RCL1: variants seen among roughly 807,000 people sequenced by gnomAD.
The protein encoded by RCL1 is RNA 3'-terminal phosphate cyclase-like protein.
In RCL1, 24 loss-of-function variants were observed where a neutral mutation model predicts 42.4. The ratio of observed to expected loss-of-function variants is 0.57; its 90% CI spans 0.41 to 0.80. The LOEUF (loss-of-function observed/expected upper bound fraction) is 0.80, where lower values mean the gene tolerates loss of function less well. RCL1 is among the 30% of genes least tolerant of loss of function. The pLI, the probability that RCL1 is intolerant of heterozygous loss-of-function variation, is 0.00. For synonymous variants in RCL1, 228 were observed against 177.3 expected (o/e 1.29, Z -2.27); for missense variants, 578 against 467.9 (o/e 1.24, Z -2.17).
At chr9:4,830,925 G>A (rs1425901336) in intron 3 of RCL1, among the ~76,000 whole-genome samples, 1 of 152,112 alleles carries the variant, frequency 6.6e-6, no homozygotes, top group African/African-American at 2.4e-5. Flanking sequence ...CCGCAGAGTG[G>A]ACCGATCACT....
intron 1 of RCL1, among the ~76,000 whole-genome samples, chr9:4,806,635 T>C (rs888100356): frequency 3.4e-4 from 47 of 138,098 alleles, no homozygotes; most frequent in East Asian, 8.3e-4. Flanking sequence ...CACACACACA[T>C]ATACTTACAT....
chr9:4,812,617 G>A (rs1482687666), intron 1 of RCL1, among the ~76,000 whole-genome samples: 1 of 151,836 alleles, frequency 6.6e-6, no homozygotes, highest in African/African-American at 2.4e-5. Flanking sequence ...TGCTTTGGCT[G>A]TTAAAGGTCT....
At chr9:4,814,464 C>T (rs552595712) in intron 1 of RCL1, among the ~76,000 whole-genome samples, 67 of 152,112 alleles carry the variant, frequency 4.4e-4, no homozygotes, top group African/African-American at 1.5e-3. Flanking sequence ...ATGGCGGTCT[C>T]GCTTTGTTGC....
intron 8 of RCL1, among the ~76,000 whole-genome samples, chr9:4,853,903 C>T (rs1470710954): frequency 6.6e-6 from 1 of 152,070 alleles, no homozygotes; most frequent in African/African-American, 2.4e-5. Context: ...CTTCCTAGCC[C>T]ACTCAGCCTA....
intron 5 of RCL1, among the ~76,000 whole-genome samples, chr9:4,837,497 C>T (rs1369120079): frequency 3.3e-5 from 5 of 151,862 alleles, no homozygotes; most frequent in African/African-American, 9.7e-5. Flanking sequence ...GCTGTATTGG[C>T]GGCCGTGAAC....
At chr9:4,802,095 T>G (rs1330146118) in intron 1 of RCL1, among the ~76,000 whole-genome samples, 3 of 146,044 alleles carry the variant, frequency 2.1e-5, no homozygotes, top group African/African-American at 5.1e-5. Flanking sequence ...TTTTTTTTTT[T>G]TTGTATTTTT....
At position 4,793,204 on chromosome 9, in the gene RCL1, G is replaced by C. The variant is rs1390049572; in HGVS notation, c.113G>C (p.Arg38Thr). The change falls in exon 1 of 9, where the codon AGA (arginine) becomes ACA (threonine). Residue 38 changes from arginine (R) to threonine (T), a missense_variant. Coordinates refer to ENST00000381750, the MANE Select transcript of RCL1 (RefSeq NM_005772.5). ...GTCAAAATCCGAAAGATTCGGGCCA[G>C]AGACGACAACCCGGGCCTCCGAGGT... ...RPVKIRKIRA[R>T]DDNPGLRDFE... is the part of the protein sequence containing the mutation. The C allele has an allele frequency of 1.9e-6, 3 of 1,606,304 alleles. No individual in the cohort carries two copies. The highest frequency in any genetic ancestry group is 1.7e-5 in the Admixed American group (1 of 59,162).
At chr9:4,843,675 A>T (rs752679560) in intron 6 of RCL1, among the ~76,000 whole-genome samples, 1 of 152,254 alleles carries the variant, frequency 6.6e-6, no homozygotes, top group Non-Finnish European at 1.5e-5. Context: ...TAGAAAACTC[A>T]CACAGATGGA....
At chr9:4,851,832 C>T (rs1176625274) in intron 8 of RCL1, among the ~76,000 whole-genome samples, 7 of 148,532 alleles carry the variant, frequency 4.7e-5, no homozygotes, top group Non-Finnish European at 1.0e-4. Flanking sequence ...ATTGGGATTG[C>T]TGTTGGTGGT....
At chr9:4,814,675 AT>A (rs1309138028) in intron 1 of RCL1, among the ~76,000 whole-genome samples, 1 of 151,524 alleles carries the variant, frequency 6.6e-6, no homozygotes, top group East Asian at 1.9e-4. Context: ...ATAAGGTTTG[AT>A]TTTTTTCTCT....
chr9:4,816,008 T>C (rs973544521), intron 1 of RCL1, among the ~76,000 whole-genome samples: 1 of 152,174 alleles, frequency 6.6e-6, no homozygotes, highest in Non-Finnish European at 1.5e-5. Flanking sequence ...TATAAACTCT[T>C]CTGATGCACT....
chr9:4,820,951 G>A (rs893471927), intron 1 of RCL1, among the ~76,000 whole-genome samples: 9 of 152,032 alleles, frequency 5.9e-5, no homozygotes, highest in Admixed American at 3.9e-4. Flanking sequence ...TTATTCCAAC[G>A]TAGTTTATTC....
intron 8 of RCL1, among the ~76,000 whole-genome samples, chr9:4,850,845 C>A (rs368492578): frequency 1.3e-5 from 2 of 151,988 alleles, no homozygotes; most frequent in African/African-American, 4.8e-5. Flanking sequence ...GTGGCCCCAC[C>A]GGCTTTGTAG....
At chr9:4,854,226 C>T (rs1199612437) in intron 8 of RCL1, among the ~76,000 whole-genome samples, 1 of 152,156 alleles carries the variant, frequency 6.6e-6, no homozygotes, top group Non-Finnish European at 1.5e-5. Flanking sequence ...GACAGTGCAG[C>T]TAGCCTAGTT....
intron 3 of RCL1, among the ~76,000 whole-genome samples, chr9:4,831,495 G>T (rs886236001): frequency 6.6e-6 from 1 of 152,012 alleles, no homozygotes; most frequent in African/African-American, 2.4e-5. Flanking sequence ...TTTATTTTTA[G>T]AGAGAGGGTC....
At chr9:4,806,408 T>TTG (rs1386623093) in intron 1 of RCL1, among the ~76,000 whole-genome samples, 1 of 152,108 alleles carries the variant, frequency 6.6e-6, no homozygotes, top group African/African-American at 2.4e-5. Flanking sequence ...TTTATAACAG[T>TTG]TTTTCTAAGT....
At chr9:4,809,391 C>A (rs543566334) in intron 1 of RCL1, among the ~76,000 whole-genome samples, 1 of 151,974 alleles carries the variant, frequency 6.6e-6, no homozygotes, top group Non-Finnish European at 1.5e-5. Context: ...CTCACTGCAA[C>A]CTCCGCCTCC....
At chr9:4,819,459 A>G (rs1816507702) in intron 1 of RCL1, among the ~76,000 whole-genome samples, 1 of 152,202 alleles carries the variant, frequency 6.6e-6, no homozygotes, top group Non-Finnish European at 1.5e-5. Flanking sequence ...ATATGTACAT[A>G]TATGTACACT....
At chr9:4,824,429 C>T (rs893529797) in intron 2 of RCL1, among the ~76,000 whole-genome samples, 19 of 149,446 alleles carry the variant, frequency 1.3e-4, no homozygotes, top group Non-Finnish European at 2.4e-4. Context: ...CTTTCCCTTC[C>T]AGCACATGCA....
Sources: allele counts gnomAD v4.1 joint callset (sites outside exome capture counted in the v4.1 genomes callset), GRCh38; gene constraint gnomAD v4.1.1; transcripts MANE v1.5; gene names NCBI Gene and HGNC (gene_info 2026-07-23, HGNC 2026-07-21).